NOTCH2: variants seen among roughly 807,000 people sequenced by gnomAD.
NOTCH2 encodes the protein notch receptor 2, also known as neurogenic locus notch homolog protein 2.
NOTCH2 carries 29 observed loss-of-function variants against 235.8 expected under a neutral mutation model. The ratio of observed to expected loss-of-function variants is 0.12; its 90% CI spans 0.09 to 0.17. The LOEUF is 0.17. Among genes scored for constraint, NOTCH2 ranks in the 10% least tolerant of loss-of-function variants. The pLI is 1.00. For synonymous variants in NOTCH2, 1,086 were observed against 1,141.5 expected (o/e 0.95, Z 0.98); for missense variants, 2,285 against 3,150.2 (o/e 0.73, Z 6.57).
chr1:119,919,029 A>G (rs913792924), intron 31 of NOTCH2, among the ~76,000 whole-genome samples: 1 of 152,186 alleles, frequency 6.6e-6, no homozygotes, highest in Non-Finnish European at 1.5e-5. Flanking sequence ...CTCTCATCTA[A>G]TCTACGCATT....
intron 2 of NOTCH2, among the ~76,000 whole-genome samples, chr1:120,023,079 C>T (rs1370667371): frequency 2.0e-5 from 3 of 151,812 alleles, no homozygotes; most frequent in African/African-American, 7.3e-5. Flanking sequence ...TAGACTTTAA[C>T]TTGCCAAAGA....
rs770716987 is a variant in NOTCH2 at position 119,915,404 on chromosome 1, T to C, written c.7318A>G (p.Thr2440Ala). ...PHSASDWSDV[T>A]TSPTPGGAGG... ...GCACCCCCAGGGGTAGGGCTGGTGG[T>C]CACATCTGACCAGTCAGAAGCAGAG... Residue 2440 changes from threonine to alanine, a missense_variant, in exon 34 of 34, where the codon ACC becomes GCC. Transcript: ENST00000256646. The C allele has an allele frequency of 1.1e-5, 17 of 1,614,036 alleles. No individual in the cohort carries two copies. In the African/African-American group the frequency reaches 2.3e-4, roughly 22 times the overall value.
intron 1 of NOTCH2, among the ~76,000 whole-genome samples, chr1:120,042,001 G>C (rs1452379470): frequency 2.0e-5 from 3 of 146,604 alleles, no homozygotes; most frequent in Admixed American, 2.0e-4. Context: ...GAGAGAAAGA[G>C]CAAGCGAGCG....
At chr1:119,980,885 A>G (rs1464677551) in intron 5 of NOTCH2, among the ~76,000 whole-genome samples, 2 of 152,146 alleles carry the variant, frequency 1.3e-5, no homozygotes, top group African/African-American at 4.8e-5. Flanking sequence ...GGATGCTATC[A>G]TGGCCGAGCT....
rs1210021254 is a variant in NOTCH2, at chr1:119,914,279, AGG to A, written c.*1025_*1026del. The A allele has an allele frequency of 4.3e-6, 1 of 233,138 alleles. No individual in the cohort carries two copies. The highest frequency in any genetic ancestry group is 2.2e-5 in the African/African-American group (1 of 45,340). The allele number at this position is 233,138 out of a possible 1,614,324, so 14.4% of individuals were successfully genotyped here. A position where few individuals can be genotyped will look rare whatever the true frequency, so the allele number is the denominator to read the frequency against. Reference sequence around the variant, plus strand: ...ACAGGCAGTCAATGGAATGCTTGGCAGGAAGTAGGGGGACCTGTGGGTGGGTA... The same window carrying A: ...ACAGGCAGTCAATGGAATGCTTGGCAAAGTAGGGGGACCTGTGGGTGGGTA... On this transcript the variant is annotated 3_prime_UTR_variant, in exon 34 of 34. Coordinates refer to ENST00000256646, the MANE Select transcript of NOTCH2 (RefSeq NM_024408.4).
intron 17 of NOTCH2, among the ~76,000 whole-genome samples, chr1:119,948,183 T>G (rs587640944): frequency 3.3e-5 from 5 of 152,350 alleles, no homozygotes; most frequent in African/African-American, 1.2e-4. Flanking sequence ...TGTCCTCACA[T>G]TTTCAATGTT....
intron 1 of NOTCH2, among the ~76,000 whole-genome samples, chr1:120,053,622 A>C (rs1301511593): frequency 3.6e-5 from 5 of 138,114 alleles, no homozygotes; most frequent in Non-Finnish European, 7.6e-5. Context: ...TGAAGTTACT[A>C]GACAATAGTA....
chr1:120,066,699 A>T (rs1240674218), intron 1 of NOTCH2, among the ~76,000 whole-genome samples: 1 of 151,512 alleles, frequency 6.6e-6, no homozygotes, highest in Non-Finnish European at 1.5e-5. Context: ...CCTACAGGAG[A>T]GGCAGTAGGG....
chr1:120,033,454 T>TA (rs1443291801), intron 1 of NOTCH2, among the ~76,000 whole-genome samples: 2 of 110,274 alleles, frequency 1.8e-5, no homozygotes, highest in African/African-American at 7.1e-5. Flanking sequence ...CTGTGGTAGA[T>TA]ATATACAATG....
chr1:119,999,771 A>T (rs1652637070), intron 3 of NOTCH2, among the ~76,000 whole-genome samples: 1 of 152,012 alleles, frequency 6.6e-6, no homozygotes, highest in Admixed American at 6.6e-5. Context: ...AATCCCAGCT[A>T]CCTGGGAGGC....
chr1:119,951,890 G>C (rs1650489082), intron 14 of NOTCH2, among the ~76,000 whole-genome samples: 1 of 152,200 alleles, frequency 6.6e-6, no homozygotes, highest in South Asian at 2.1e-4. Flanking sequence ...TCACTGATAA[G>C]CAAGTCTCAG....
intron 5 of NOTCH2, among the ~76,000 whole-genome samples, chr1:119,977,148 A>G (rs1227879873): frequency 2.0e-5 from 3 of 152,128 alleles, no homozygotes; most frequent in Non-Finnish European, 4.4e-5. Context: ...GCTTAAATAA[A>G]TATTCGTTAA....
Position 119,920,395 on chromosome 1 carries a change from A to C in NOTCH2, c.5313T>G (p.Ala1771=). 6.2e-7 allele frequency: 1 copy of C among 1,614,178 alleles called. No individual in the cohort carries two copies. Among genetic ancestry groups the C allele is most frequent in the South Asian group, 1.1e-5 (1 of 91,074 alleles). Residue 1771 remains alanine, a splice_region_variant and synonymous_variant, in exon 30 of 34, where the codon GCT becomes GCG. Transcript: ENST00000256646. ...CTTCTGAGAGTAAGGCCTCATCTTCAGCCTGAAAGGTGAAAACAATGCTCC... is the reference window on the plus strand; with the variant it reads ...CTTCTGAGAGTAAGGCCTCATCTTCCGCCTGAAAGGTGAAAACAATGCTCC... ...DEGPQPKKVK[A]EDEALLSEED...
intron 4 of NOTCH2, chr1:119,996,746 T>G: frequency 9.6e-7 from 1 of 1,038,282 alleles, no homozygotes; most frequent in Middle Eastern, 2.0e-4. Context: ...TCTCACTGTT[T>G]CTACAAAAGG....
At position 119,925,426 on chromosome 1, in the gene NOTCH2, C is replaced by G. The variant is rs752334588; in HGVS notation, c.4390G>C (p.Ala1464Pro). 6.2e-7 allele frequency: 1 copy of G among 1,614,132 alleles called. No homozygotes were observed. Among genetic ancestry groups the G allele is most frequent in the Non-Finnish European group, 8.5e-7 (1 of 1,180,024 alleles). The change falls in exon 25 of 34, where the codon GCC becomes CCC. Residue 1464 changes from alanine (A) to proline (P), a missense_variant. By Grantham distance (27) the Ala-to-Pro change is conservative. Transcript: ENST00000256646. Reference protein sequence around the residue: ...DCSLTMENPWANCSSPLPCWD... With the variant: ...DCSLTMENPWPNCSSPLPCWD... The stretch of plus-strand genomic sequence containing the variant: ...CAGGGAAGTGGGGAGGAGCAGTTGG[C>G]CCAGGGGTTCTCCATGGTGAGAGAA...
intron 11 of NOTCH2, among the ~76,000 whole-genome samples, chr1:119,961,935 A>G (rs1415674633): frequency 6.6e-6 from 1 of 152,188 alleles, no homozygotes; most frequent in Non-Finnish European, 1.5e-5. Context: ...GCCTCTTTTA[A>G]TGGATTTTCC....
chr1:119,949,667 G>A (rs999187670), intron 15 of NOTCH2, among the ~76,000 whole-genome samples: 3 of 152,102 alleles, frequency 2.0e-5, no homozygotes, highest in Admixed American at 1.3e-4. Flanking sequence ...ATTACAGGGT[G>A]AGCCACCGTG....
intron 21 of NOTCH2, among the ~76,000 whole-genome samples, chr1:119,936,679 T>C (rs1210779134): frequency 6.6e-6 from 1 of 152,200 alleles, no homozygotes; most frequent in Non-Finnish European, 1.5e-5. Flanking sequence ...TCAGTGTTGC[T>C]TGATGGTTTG....
chr1:119,915,043 G>A lies in NOTCH2; in HGVS notation c.*263C>T. The stretch of plus-strand genomic sequence containing the variant: ...CATCTTATTCTCCAAATAGAAGAGA[G>A]TAAACATGGACCCAAGGCTTGTATT... On this transcript the variant is annotated 3_prime_UTR_variant, in exon 34 of 34. Coordinates refer to ENST00000256646, the MANE Select transcript of NOTCH2 (RefSeq NM_024408.4). 3.8e-6 allele frequency: 2 copies of A among 526,584 alleles called. No individual in the cohort carries two copies. Among genetic ancestry groups the A allele is most frequent in the South Asian group, 4.1e-5 (2 of 48,686 alleles). 32.6% of individuals were successfully genotyped at this position (526,584 alleles called of 1,614,324 possible). A position where few individuals can be genotyped will look rare whatever the true frequency, so the allele number is the denominator to read the frequency against.
Sources: allele counts gnomAD v4.1 joint callset (sites outside exome capture counted in the v4.1 genomes callset), GRCh38; gene constraint gnomAD v4.1.1; transcripts MANE v1.5; gene names NCBI Gene and HGNC (gene_info 2026-07-23, HGNC 2026-07-21).